TOPAZ1: variants seen among roughly 807,000 people sequenced by gnomAD.
TOPAZ1 encodes protein TOPAZ1.
Under a neutral mutation model 172.2 loss-of-function variants are expected in TOPAZ1, and 66 were observed. That is an observed-to-expected ratio of 0.38 (90% CI 0.31 to 0.47). The LOEUF is 0.47. TOPAZ1 is among the 20% of genes least tolerant of loss of function. TOPAZ1 has a pLI of 0.99. For synonymous variants in TOPAZ1, 681 were observed against 683.9 expected, an observed-to-expected ratio of 1.00 and a Z score of 0.07; for missense variants, 1,822 against 1,972.4, an observed-to-expected ratio of 0.92 and a Z score of 1.44.
downstream of TOPAZ1, among the ~76,000 whole-genome samples, chr3:44,335,265 CT>C (rs1700710922): frequency 6.6e-6 from 1 of 152,102 alleles, no homozygotes; most frequent in Non-Finnish European, 1.5e-5. Context: ...GCTTCTTGCA[CT>C]AAGGGCCACC....
intron 6 of TOPAZ1, among the ~76,000 whole-genome samples, chr3:44,268,282 C>T (rs1420226679): frequency 6.6e-6 from 1 of 150,642 alleles, no homozygotes; most frequent in Non-Finnish European, 1.5e-5. Flanking sequence ...TTCTGGCTTG[C>T]AGATGGCTAC....
At chr3:44,305,517 A>G (rs1700326728) in intron 14 of TOPAZ1, among the ~76,000 whole-genome samples, 196 bp downstream of exon 14, 1 of 151,990 alleles carries the variant, frequency 6.6e-6, no homozygotes, top group Non-Finnish European at 1.5e-5. Flanking sequence ...CTACAGGCAC[A>G]TATCACTACA....
chr3:44,292,307 A>C (rs1700146657), intron 12 of TOPAZ1, among the ~76,000 whole-genome samples: 1 of 152,228 alleles, frequency 6.6e-6, no homozygotes, highest in Non-Finnish European at 1.5e-5. Context: ...TTGTAAGGAA[A>C]GTATAATTCA....
chr3:44,275,458 T>C (rs887247367), intron 8 of TOPAZ1, among the ~76,000 whole-genome samples: 1 of 152,070 alleles, frequency 6.6e-6, no homozygotes, highest in African/African-American at 2.4e-5. Flanking sequence ...GGTATATGTG[T>C]CTTTGTGCCT....
chr3:44,326,559 C>T (rs2125706557), intron 18 of TOPAZ1, among the ~76,000 whole-genome samples: 1 of 152,144 alleles, frequency 6.6e-6, no homozygotes, highest in Admixed American at 6.5e-5. Flanking sequence ...TTTATATACA[C>T]TCTGGATACA....
intron 12 of TOPAZ1, among the ~76,000 whole-genome samples, chr3:44,301,878 T>C (rs550637376): frequency 5.3e-5 from 8 of 152,320 alleles, no homozygotes; most frequent in Admixed American, 2.0e-4. Context: ...TATATTTCAA[T>C]CTTTTTTCTC....
chr3:44,244,515 T>C lies in TOPAZ1; in HGVS notation c.2009T>C (p.Phe670Ser). 1 of 1,551,490 alleles carries C rather than the reference T, an allele frequency of 6.4e-7. No homozygotes were observed. Among genetic ancestry groups the C allele is most frequent in the Non-Finnish European group, 8.7e-7 (1 of 1,146,946 alleles). The part of the protein sequence containing the change: ...HRKACIAQQT[F>S]IVPDLVKILN... ...AAAGCATGCATTGCTCAACAAACAT[T>C]TATAGTTCCAGACTTGGTTAAAATA... The change falls in exon 2 of 20, where the codon TTT becomes TCT. Residue 670 changes from phenylalanine (F) to serine (S), a missense_variant. Transcript: ENST00000309765.
Position 44,255,020 on chromosome 3 carries a change from A to G in TOPAZ1, c.2818A>G (p.Asn940Asp), listed in dbSNP as rs1400999371. The change falls in exon 3 of 20, where the codon AAC becomes GAC. Residue 940 changes from asparagine (N) to aspartate (D), a missense_variant. Around this residue, in one of 2 missense-constraint regions of TOPAZ1, gnomAD observed 1,489 missense variants for 1,490.8 expected, o/e 1.00. Coordinates refer to ENST00000309765, the MANE Select transcript of TOPAZ1 (RefSeq NM_001145030.2). ...GWIKPDICAS[N>D]SAESEIKRDP... is the part of the protein sequence containing the mutation. Reference sequence around the variant, plus strand: ...GATAAAGCCAGACATCTGTGCTTCCAACTCAGCAGGTAAAAGTTGACATTT... The same window carrying G: ...GATAAAGCCAGACATCTGTGCTTCCGACTCAGCAGGTAAAAGTTGACATTT... The G allele has an allele frequency of 6.4e-7, 1 of 1,551,286 alleles. No individual in the cohort carries two copies. Among genetic ancestry groups the G allele is most frequent in the Non-Finnish European group, 8.7e-7 (1 of 1,146,668 alleles).
chr3:44,243,884 T>G lies in TOPAZ1; in HGVS notation c.1378T>G (p.Tyr460Asp). 1 of 1,551,768 alleles carries G rather than the reference T, an allele frequency of 6.4e-7. No individual in the cohort carries two copies. Among genetic ancestry groups the G allele is most frequent in the Non-Finnish European group, 8.7e-7 (1 of 1,146,948 alleles). The change falls in exon 2 of 20, where the codon TAC (tyrosine) becomes GAC (aspartate). Residue 460 changes from tyrosine to aspartate, a missense_variant. Transcript: ENST00000309765. ...CTTCATAGGGAAATCACCTAATGAG[T>G]ACCATATTGAAAGGAGATCTTCACG... is the stretch of plus-strand genomic sequence containing the variant. ...KSFIGKSPNE[Y>D]HIERRSSRED...
chr3:44,255,708 CACACACACACACATAT>C lies in TOPAZ1; in HGVS notation c.2828-441_2828-426del, dbSNP rs1461451243. On this transcript the variant is annotated intron_variant, in intron 3 of 19. Coordinates refer to ENST00000309765, the MANE Select transcript of TOPAZ1 (RefSeq NM_001145030.2). Reference sequence around the variant, plus strand: ...ACACACACACACACACACACACACACACACACACACACATATATATATGGTTAACAGCTAGTCAAAA... The same window carrying C: ...ACACACACACACACACACACACACACATATATGGTTAACAGCTAGTCAAAA... Among the ~76,000 whole-genome samples the C allele has an allele frequency of 3.7e-3, 440 of 118,608 alleles. 3 individuals are homozygous for C. Among genetic ancestry groups the C allele is most frequent in the Middle Eastern group, 0.012 (3 of 252 alleles). 77.8% of individuals were successfully genotyped at this position (118,608 alleles called of 152,430 possible). A position where few individuals can be genotyped will look rare whatever the true frequency, so the allele number is the denominator to read the frequency against.
At chr3:44,298,291 C>T (rs1031331667) in intron 12 of TOPAZ1, among the ~76,000 whole-genome samples, 1 of 152,006 alleles carries the variant, frequency 6.6e-6, no homozygotes, top group Non-Finnish European at 1.5e-5. Context: ...TGGTGAAACC[C>T]CATCTCTACA....
chr3:44,256,277 A>G lies in TOPAZ1; in HGVS notation c.2954A>G (p.Lys985Arg), dbSNP rs987056358. Reference protein sequence around the residue: ...EQIKGSDLDEKHRFTDKVITK... With the variant: ...EQIKGSDLDERHRFTDKVITK... The stretch of plus-strand genomic sequence containing the variant: ...ATAAAAGGTTCAGACTTGGATGAAA[A>G]GGTACTAGGGGATCTTTTGTGTTTT... The change falls in exon 4 of 20, where the codon AAG becomes AGG. Residue 985 changes from lysine (K) to arginine (R), a missense_variant and splice_region_variant. Coordinates refer to ENST00000309765, the MANE Select transcript of TOPAZ1 (RefSeq NM_001145030.2). 2 of 1,516,746 alleles carry G rather than the reference A, an allele frequency of 1.3e-6. No individual in the cohort carries two copies. Among genetic ancestry groups the G allele is most frequent in the Admixed American group, 2.5e-5 (1 of 40,084 alleles). The allele number at this position is 1,516,746 out of a possible 1,614,324, so 94.0% of individuals were successfully genotyped here.
chr3:44,321,277 A>G, intron 17 of TOPAZ1, 86 bp downstream of exon 17: 1 of 920,252 alleles, frequency 1.1e-6, no homozygotes, highest in Non-Finnish European at 1.6e-6. Flanking sequence ...ACCTGTTTTG[A>G]TTGAGTTTTA....
intron 2 of TOPAZ1, among the ~76,000 whole-genome samples, chr3:44,248,322 T>A (rs889319308): frequency 4.6e-5 from 7 of 152,244 alleles, no homozygotes; most frequent in Admixed American, 4.6e-4. Flanking sequence ...AGTGTTTATT[T>A]CAGATAGCTT....
At chr3:44,262,154 T>C (rs923224991) in intron 4 of TOPAZ1, among the ~76,000 whole-genome samples, 1 of 152,130 alleles carries the variant, frequency 6.6e-6, no homozygotes, top group African/African-American at 2.4e-5. Context: ...TAATTTGAAA[T>C]AGCAACTTGG....
At position 44,244,008 on chromosome 3, in the gene TOPAZ1, G is replaced by A; in HGVS notation, c.1502G>A (p.Arg501Lys). 1 of 1,552,164 alleles carries A rather than the reference G, an allele frequency of 6.4e-7. No individual in the cohort carries two copies. The highest frequency in any genetic ancestry group is 8.7e-7 in the Non-Finnish European group (1 of 1,147,074). ...KRTWPYYSCA[R>K]ISAWCWKKAS... ...ACTTGGCCCTATTATTCATGTGCTAGAATATCTGCCTGGTGTTGGAAAAAG... is the reference window on the plus strand; with the variant it reads ...ACTTGGCCCTATTATTCATGTGCTAAAATATCTGCCTGGTGTTGGAAAAAG... Residue 501 changes from arginine to lysine, a missense_variant, in exon 2 of 20, where the codon AGA (arginine) becomes AAA (lysine). Arg to Lys is a conservative substitution (Grantham distance 26). Coordinates refer to ENST00000309765, the MANE Select transcript of TOPAZ1 (RefSeq NM_001145030.2).
chr3:44,269,584 T>C (rs1699873013), intron 7 of TOPAZ1, among the ~76,000 whole-genome samples: 1 of 147,354 alleles, frequency 6.8e-6, no homozygotes, highest in Non-Finnish European at 1.5e-5. Context: ...AAAAAAAATT[T>C]TCATAAAACC....
intron 8 of TOPAZ1, among the ~76,000 whole-genome samples, chr3:44,278,826 C>G (rs1382737627): frequency 7.0e-6 from 1 of 143,480 alleles, no homozygotes; most frequent in Non-Finnish European, 1.5e-5. Context: ...TTTTTTGTCT[C>G]TATTTTTTTC....
At chr3:44,333,096 T>C (rs2029343), downstream of TOPAZ1, among the ~76,000 whole-genome samples, 1,350 of 151,882 alleles carry the variant, frequency 8.9e-3, 19 homozygotes, top group African/African-American at 0.031. Context: ...AGTGCTGGGA[T>C]TACAGGCATG....
Sources: gnomAD v4.1 joint callset for allele counts (sites outside exome capture counted in the v4.1 genomes callset) on GRCh38, gnomAD v4.1.1 for gene constraint, gnomAD v4.1.1 regional missense constraint, MANE v1.5 for transcripts, NCBI Gene and HGNC (gene_info 2026-07-23, HGNC 2026-07-21) for gene names.